Variants in RTN4RL1 observed in about 807,000 individuals in gnomAD.
RTN4RL1 encodes reticulon-4 receptor-like 1.
A neutral mutation model predicts 25.6 loss-of-function variants in RTN4RL1; 7 were observed. The ratio of observed to expected loss-of-function variants is 0.27; its 90% CI spans 0.16 to 0.51. RTN4RL1 has a LOEUF of 0.51. Ranked by LOEUF, RTN4RL1 falls within the 20% of genes least tolerant of loss-of-function variation. The pLI, the probability that RTN4RL1 is intolerant of heterozygous loss-of-function variation, is 0.97. For missense variants in RTN4RL1, 500 were observed against 615.6 expected (o/e 0.81, Z 1.99); for synonymous variants, 297 against 288.2 (o/e 1.03, Z -0.31).
intron 1 of RTN4RL1, among the ~76,000 whole-genome samples, chr17:1,955,450 G>A (rs1286650125): frequency 6.6e-6 from 1 of 151,792 alleles, no homozygotes. Flanking sequence ...CAGCTACTCA[G>A]GAGGCTGAGG....
intron 1 of RTN4RL1, among the ~76,000 whole-genome samples, chr17:1,970,316 T>C (rs7209385): frequency 0.39 from 58,962 of 151,984 alleles, 11,832 homozygotes; most frequent in Admixed American, 0.54. Flanking sequence ...CCACTGTGCC[T>C]GGCGAGGATT....
At chr17:2,002,553 A>G (rs2066966593) in intron 1 of RTN4RL1, among the ~76,000 whole-genome samples, 1 of 150,718 alleles carries the variant, frequency 6.6e-6, no homozygotes, top group Admixed American at 6.6e-5. Flanking sequence ...CGGCCTCCCA[A>G]AGTGCTGGGA....
At chr17:2,020,107 C>G (rs181543738) in intron 1 of RTN4RL1, 1 of 152,138 alleles carries the variant, frequency 6.6e-6, no homozygotes, top group Non-Finnish European at 1.5e-5. Flanking sequence ...AGGAGAGAAG[C>G]TGTTTTGGTG....
At chr17:1,958,209 A>C (rs1304503655) in intron 1 of RTN4RL1, among the ~76,000 whole-genome samples, 1 of 152,084 alleles carries the variant, frequency 6.6e-6, no homozygotes, top group East Asian at 1.9e-4. Flanking sequence ...AACAAAAATA[A>C]AACCAAAGCG....
chr17:2,024,794 G>A lies in RTN4RL1; in HGVS notation c.13+59C>T, dbSNP rs1271751877. ...AGCCCCGGCGCCGGGCGGCGCCCGG[G>A]CTCGCGGCTCTTTCCGGAGCGCATT... On this transcript the variant is annotated intron_variant, in intron 1 of 1. Transcript: ENST00000331238. The A allele has an allele frequency of 7.2e-6, 11 of 1,524,018 alleles. No individual in the cohort carries two copies. The South Asian group carries it at 9.7e-5, about 13-fold the overall frequency. 94.4% of individuals were successfully genotyped at this position (1,524,018 alleles called of 1,614,324 possible).
chr17:1,993,050 C>T (rs182866332), intron 1 of RTN4RL1, among the ~76,000 whole-genome samples: 1 of 152,146 alleles, frequency 6.6e-6, no homozygotes, highest in Non-Finnish European at 1.5e-5. Context: ...CGAGACCAGC[C>T]TGGACAACAT....
intron 1 of RTN4RL1, among the ~76,000 whole-genome samples, chr17:1,941,453 G>A (rs1344478891): frequency 6.6e-6 from 1 of 151,962 alleles, no homozygotes; most frequent in African/African-American, 2.4e-5. Context: ...CTTGGTGCAG[G>A]GCCTGGCTCA....
chr17:1,945,998 GA>G (rs1247195244), intron 1 of RTN4RL1, among the ~76,000 whole-genome samples: 1 of 152,208 alleles, frequency 6.6e-6, no homozygotes, highest in Non-Finnish European at 1.5e-5. Context: ...TCCAGGGTGA[GA>G]GCAGAGACTA....
chr17:1,999,682 A>C (rs35920384), intron 1 of RTN4RL1, among the ~76,000 whole-genome samples: 5,436 of 119,042 alleles, frequency 0.046, 126 homozygotes, highest in Non-Finnish European at 0.059. Context: ...TGCCCCCCCC[A>C]CACACACACG....
intron 1 of RTN4RL1, among the ~76,000 whole-genome samples, chr17:2,002,765 G>T (rs1477244109): frequency 2.0e-5 from 3 of 152,078 alleles, no homozygotes; most frequent in Admixed American, 6.6e-5. Context: ...AGTTCCCAGT[G>T]GGGGGCAGAG....
chr17:2,020,916 A>G (rs1243328138), intron 1 of RTN4RL1, among the ~76,000 whole-genome samples: 1 of 152,212 alleles, frequency 6.6e-6, no homozygotes, highest in African/African-American at 2.4e-5. Flanking sequence ...CAAACCCCCC[A>G]GCGGGCCGCC....
chr17:1,945,739 G>A (rs557362698), intron 1 of RTN4RL1, among the ~76,000 whole-genome samples: 4 of 152,232 alleles, frequency 2.6e-5, no homozygotes, highest in South Asian at 2.1e-4. Flanking sequence ...CCATCTCTCC[G>A]CACTGAGTGT....
chr17:1,995,988 T>C (rs2066927949), intron 1 of RTN4RL1, among the ~76,000 whole-genome samples: 1 of 152,134 alleles, frequency 6.6e-6, no homozygotes, highest in Admixed American at 6.5e-5. Flanking sequence ...AACACTGGTG[T>C]AGGTTCCTTG....
intron 1 of RTN4RL1, chr17:2,019,199 T>A (rs2067167608): frequency 6.6e-6 from 1 of 152,236 alleles, no homozygotes; most frequent in Non-Finnish European, 1.5e-5. Context: ...GTCCGGCCAC[T>A]GCACCCCGAG....
At chr17:1,997,276 C>G (rs1230793647) in intron 1 of RTN4RL1, among the ~76,000 whole-genome samples, 1 of 152,232 alleles carries the variant, frequency 6.6e-6, no homozygotes, top group Non-Finnish European at 1.5e-5. Context: ...TTTCCTGCCT[C>G]TGGGCCTTTG....
chr17:2,006,952 A>G (rs80311814), intron 1 of RTN4RL1, among the ~76,000 whole-genome samples: 6,151 of 151,760 alleles, frequency 0.041, 401 homozygotes, highest in African/African-American at 0.14. Context: ...TGCTCAGCGG[A>G]GCAGAGGTAC....
intron 1 of RTN4RL1, among the ~76,000 whole-genome samples, chr17:2,006,122 G>A (rs534731879): frequency 1.3e-5 from 2 of 149,888 alleles, no homozygotes; most frequent in South Asian, 4.2e-4. Context: ...GTAGGCTAAG[G>A]GGAATTAGGA....
intron 1 of RTN4RL1, among the ~76,000 whole-genome samples, chr17:1,968,556 G>C (rs1050259266): frequency 1.3e-5 from 2 of 152,170 alleles, no homozygotes; most frequent in African/African-American, 2.4e-5. Flanking sequence ...CCCTGGGCTC[G>C]AAGCCAACAC....
intron 1 of RTN4RL1, among the ~76,000 whole-genome samples, chr17:2,011,945 C>A (rs899191470): frequency 6.6e-6 from 1 of 152,058 alleles, no homozygotes; most frequent in Non-Finnish European, 1.5e-5. Context: ...CTTTTTAAAC[C>A]GCAGGCCTGA....
Sources: gnomAD v4.1 joint callset for allele counts (sites outside exome capture counted in the v4.1 genomes callset) on GRCh38, gnomAD v4.1.1 for gene constraint, MANE v1.5 for transcripts, NCBI Gene and HGNC (gene_info 2026-07-23, HGNC 2026-07-21) for gene names.